The following ICAM5 variants were observed in gnomAD, a reference collection of about 807,000 sequenced individuals.
The protein encoded by ICAM5 is ICAM-5.
A neutral mutation model predicts 78.8 loss-of-function variants in ICAM5; 38 were observed. The observed-to-expected ratio is 0.48, with a 90% confidence interval of 0.37 to 0.63. The LOEUF (loss-of-function observed/expected upper bound fraction) is 0.63. Among genes scored for constraint, ICAM5 ranks in the 30% least tolerant of loss-of-function variants. The pLI is 0.00. For missense variants in ICAM5, 1,059 were observed against 1,303.0 expected (o/e 0.81, Z 2.88); for synonymous variants, 544 against 590.9 (o/e 0.92, Z 1.15).
At position 10,291,496 on chromosome 19, in the gene ICAM5, A is replaced by G. The variant is rs1211601364; in HGVS notation, c.360A>G (p.Pro120=). ...GACTCTTCCCCCTTGCAGAGCGACC[A>G]GATCGCGTAGAGCTGATGCCGCTGC... is the stretch of plus-strand genomic sequence containing the variant. ...ARGLIRTFQR[P]DRVELMPLPP... The change falls in exon 3 of 11, where the codon CCA becomes CCG. Residue 120 remains proline (P), a synonymous_variant. Transcript: ENST00000221980. The G allele has an allele frequency of 4.3e-6, 7 of 1,612,456 alleles. No individual in the cohort carries two copies. The East Asian group carries it at 1.3e-4, about 31-fold the overall frequency.
At position 10,292,736 on chromosome 19, in the gene ICAM5, G is replaced by T. The variant is rs560262128; in HGVS notation, c.1086G>T (p.Pro362=). 3 of 1,613,302 alleles carry T rather than the reference G, an allele frequency of 1.9e-6. No individual in the cohort carries two copies. Among genetic ancestry groups the T allele is most frequent in the African/African-American group, 1.3e-5 (1 of 74,982 alleles). ...TGGAGGGAGTTCCAGCCGCGGTCCC[G>T]GGGCAGCCCGCCCAGCTTCAGCTAA... ...VTLEGVPAAV[P]GQPAQLQLNA... The change falls in exon 5 of 11, where the codon CCG becomes CCT. Residue 362 remains proline (P), a synonymous_variant. Coordinates refer to ENST00000221980, the MANE Select transcript of ICAM5 (RefSeq NM_003259.4).
rs1279990973 is a variant in ICAM5, at chr19:10,294,560, G to T, written c.2150G>T (p.Arg717Leu). The stretch of plus-strand genomic sequence containing the variant: ...TGGCCTGAGCAGCAGCGCGTGTCCC[G>T]AGAGGACGCGGGCACTTACCACTGT... ...IPWPEQQRVS[R>L]EDAGTYHCVA... Residue 717 changes from arginine to leucine, a missense_variant, in exon 9 of 11, where the codon CGA (arginine) becomes CTA (leucine). Physicochemically the swap from Arg to Leu is moderately radical, Grantham distance 102. Coordinates refer to ENST00000221980, the MANE Select transcript of ICAM5 (RefSeq NM_003259.4). The surrounding 1 kb of genome is among the most constrained non-coding windows in gnomAD (Gnocchi z 7.7). 1.9e-6 allele frequency: 3 copies of T among 1,612,504 alleles called. No homozygotes were observed. Among genetic ancestry groups the T allele is most frequent in the Non-Finnish European group, 2.5e-6 (3 of 1,179,594 alleles).
intron 3 of ICAM5, 79 bp from the exon 4 acceptor site, chr19:10,291,956 C>T: frequency 6.6e-7 from 1 of 1,518,698 alleles, no homozygotes; most frequent in Non-Finnish European, 9.0e-7. Flanking sequence ...GATGATAATA[C>T]GATAAGATAG....
At position 10,292,819 on chromosome 19, in the gene ICAM5, A is replaced by G. The variant is rs765977465; in HGVS notation, c.1169A>G (p.Asp390Gly). The G allele has an allele frequency of 1.2e-6, 2 of 1,613,024 alleles. No individual in the cohort carries two copies. The highest frequency in any genetic ancestry group is 3.3e-5 in the Admixed American group (2 of 59,954). ...SFFCDATLDV[D>G]GETLIKNRSA... is the part of the protein sequence containing the mutation. ...TTCTGCGACGCCACCCTCGATGTGG[A>G]CGGGGAGACCCTGATCAAGAACAGG... The change falls in exon 5 of 11, where the codon GAC (aspartate) becomes GGC (glycine). Residue 390 changes from aspartate to glycine, a missense_variant. By Grantham distance (94) the Asp-to-Gly change is moderately conservative (BLOSUM62 -1). Around this residue, in one of 3 missense-constraint regions of ICAM5, gnomAD observed 815 missense variants for 952.8 expected, o/e 0.86. Coordinates refer to ENST00000221980, the MANE Select transcript of ICAM5 (RefSeq NM_003259.4).
At position 10,295,626 on chromosome 19, in the gene ICAM5, G is replaced by T; in HGVS notation, c.2497+14G>T. 1 of 1,534,066 alleles carries T rather than the reference G, an allele frequency of 6.5e-7. No homozygotes were observed. ...TGCGCGTGGCCGGTAAGTGGCAGCT[G>T]GGGAGAGGCGGGGCGAGGTATCTGA... On this transcript the variant is annotated intron_variant, in intron 10 of 10. Transcript: ENST00000221980.
In ICAM5 at chr19:10,290,322, C is replaced by T. The variant is rs529364836; in HGVS notation, c.82+197C>T. 3.5e-5 allele frequency: 18 copies of T among 513,978 alleles called. No individual in the cohort carries two copies. The highest frequency in any genetic ancestry group is 4.5e-5 in the Non-Finnish European group (13 of 291,556). The allele number at this position is 513,978 out of a possible 1,614,324, so 31.8% of individuals were successfully genotyped here. A position where few individuals can be genotyped will look rare whatever the true frequency, so the allele number is the denominator to read the frequency against. The stretch of plus-strand genomic sequence containing the variant: ...CCCAGCTTCCTGACTCCTCGATAGC[C>T]CCTACCCGCTTCGAGATCCTAGGTG... On this transcript the variant is annotated intron_variant, in intron 1 of 10. Coordinates refer to ENST00000221980, the MANE Select transcript of ICAM5 (RefSeq NM_003259.4). This position sits in a 1 kb window ranked among gnomAD's most constrained non-coding sequence, Gnocchi z 5.7.
rs1599277617 is a variant in ICAM5 at position 10,290,746 on chromosome 19, T to C, written c.83-326T>C. The C allele has an allele frequency of 9.5e-6, 4 of 420,080 alleles. No homozygotes were observed. In the East Asian group the frequency reaches 1.6e-4, roughly 16 times the overall value. The allele number at this position is 420,080 out of a possible 1,614,324, so 26.0% of individuals were successfully genotyped here. The stretch of plus-strand genomic sequence containing the variant: ...TTCATCCCCCATCCCCCATCCCGGG[T>C]CCCCTTCTCTCAGCCTTGCTGTGTT... On this transcript the variant is annotated intron_variant, in intron 1 of 10. Transcript: ENST00000221980. This position sits in a 1 kb window ranked among gnomAD's most constrained non-coding sequence, Gnocchi z 5.7.
Position 10,293,432 on chromosome 19 carries a change from CT to C in ICAM5, c.1465+187del, listed in dbSNP as rs1405570809. On this transcript the variant is annotated intron_variant, in intron 6 of 10. Coordinates refer to ENST00000221980, the MANE Select transcript of ICAM5 (RefSeq NM_003259.4). The surrounding 1 kb of genome is among the most constrained non-coding windows in gnomAD (Gnocchi z 5.0). ...TGGAAGGGACCGGGTGGGCGTGCCC[CT>C]AGCCTAGGGCGTGGTATTTGGGCGG... Among the ~76,000 whole-genome samples, 2 of 152,120 alleles carry C rather than the reference CT, an allele frequency of 1.3e-5. No homozygotes were observed. Among genetic ancestry groups the C allele is most frequent in the African/African-American group, 2.4e-5 (1 of 41,418 alleles).
chr19:10,291,602 A>T lies in ICAM5; in HGVS notation c.466A>T (p.Thr156Ser). 1.9e-6 allele frequency: 3 copies of T among 1,611,922 alleles called. No individual in the cohort carries two copies. Among genetic ancestry groups the T allele is most frequent in the Non-Finnish European group, 2.5e-6 (3 of 1,179,636 alleles). Residue 156 changes from threonine to serine, a missense_variant, in exon 3 of 11, where the codon ACC becomes TCC. Physicochemically the swap from Thr to Ser is moderately conservative, Grantham distance 58. Transcript: ENST00000221980. The stretch of plus-strand genomic sequence containing the variant: ...CGGGCCCCGTGCGAGCCTCACGCTG[A>T]CCCTGCTGCGGGGCGCCCAGGAGCT... ...GAGPRASLTL[T>S]LLRGAQELIR...
rs766664471 is a variant in ICAM5 at position 10,294,077 on chromosome 19, T to C, written c.1749T>C (p.Asn583=). The stretch of plus-strand genomic sequence containing the variant: ...TTGAGGAGCCGAGCTGCCCCAGCAA[T>C]TGGACATGGGTGGAAGGATCTGGGC... ...PRFEEPSCPS[N]WTWVEGSGRL... The change falls in exon 8 of 11, where the codon AAT becomes AAC. Residue 583 remains asparagine, a synonymous_variant. Coordinates refer to ENST00000221980, the MANE Select transcript of ICAM5 (RefSeq NM_003259.4). The surrounding 1 kb of genome is among the most constrained non-coding windows in gnomAD (Gnocchi z 7.7). The C allele has an allele frequency of 4.4e-6, 7 of 1,585,660 alleles. No individual in the cohort carries two copies. The highest frequency in any genetic ancestry group is 1.1e-5 in the South Asian group (1 of 88,510).
Position 10,296,649 on chromosome 19 carries a change from G to GC in ICAM5, c.*39dup. The GC allele has an allele frequency of 4.1e-6, 5 of 1,206,394 alleles. No individual in the cohort carries two copies. The highest frequency in any genetic ancestry group is 1.6e-5 in the African/African-American group (1 of 63,352). 74.7% of individuals were successfully genotyped at this position (1,206,394 alleles called of 1,614,324 possible). ...CCCCTCTCCCCGCGGGCCGGGGGACGCCCCCCAGACTCACACGGGGGCTTA... is the reference window on the plus strand; with the variant it reads ...CCCCTCTCCCCGCGGGCCGGGGGACGCCCCCCCAGACTCACACGGGGGCTTA... On this transcript the variant is annotated 3_prime_UTR_variant, in exon 11 of 11. Transcript: ENST00000221980.
rs1599279050 is a variant in ICAM5 at position 10,292,249 on chromosome 19, T to A, written c.888T>A (p.Gly296=). The change falls in exon 4 of 11, where the codon GGT becomes GGA. Residue 296 remains glycine, a synonymous_variant. Transcript: ENST00000221980. The stretch of plus-strand genomic sequence containing the variant: ...CCACAGCTAGCGCAGAGCAGGAGGG[T>A]GCCAGGCAGCTGGTCTGCAACGTCA... ...ATATASAEQE[G]ARQLVCNVTL... 1.2e-6 allele frequency: 2 copies of A among 1,612,776 alleles called. No homozygotes were observed. Among genetic ancestry groups the A allele is most frequent in the East Asian group, 4.5e-5 (2 of 44,862 alleles).
chr19:10,295,253 G>A, intron 9 of ICAM5, 93 bp from the exon 10 acceptor site: 1 of 1,357,274 alleles, frequency 7.4e-7, no homozygotes, highest in Admixed American at 3.0e-5. Flanking sequence ...CAGAGGCGCG[G>A]TGGTCTCCCA....
In ICAM5 at chr19:10,292,283, G is replaced by T; in HGVS notation, c.922G>T (p.Gly308Cys). The change falls in exon 4 of 11, where the codon GGC becomes TGC. Residue 308 changes from glycine (G) to cysteine (C), a missense_variant. Physicochemically the swap from Gly to Cys is radical, Grantham distance 159 (BLOSUM62 -3). Coordinates refer to ENST00000221980, the MANE Select transcript of ICAM5 (RefSeq NM_003259.4). ...GCTGGTCTGCAACGTCACCCTGGGG[G>T]GCGAAAACCGGGAGACCCGGGAGAA... ...RQLVCNVTLG[G>C]ENRETRENVT... is the part of the protein sequence containing the mutation. 1 of 1,611,452 alleles carries T rather than the reference G, an allele frequency of 6.2e-7. No individual in the cohort carries two copies. Among genetic ancestry groups the T allele is most frequent in the Non-Finnish European group, 8.5e-7 (1 of 1,179,398 alleles).
rs779466051 is a variant in ICAM5 at position 10,293,662 on chromosome 19, C to CA, written c.1466-33dup. ...GGTCTAGGGACGTCAGATTTGCCCC[C>CA]AAACCCCAAAGCCAACAATACACTC... On this transcript the variant is annotated intron_variant, in intron 6 of 10. Transcript: ENST00000221980. The surrounding 1 kb of genome is among the most constrained non-coding windows in gnomAD (Gnocchi z 5.0). The CA allele has an allele frequency of 1.2e-6, 2 of 1,600,792 alleles. No homozygotes were observed. The highest frequency in any genetic ancestry group is 1.7e-6 in the Non-Finnish European group (2 of 1,171,278).
chr19:10,291,469 C>T lies in ICAM5; in HGVS notation c.353-20C>T, dbSNP rs545041374. 5 of 1,611,454 alleles carry T rather than the reference C, an allele frequency of 3.1e-6. No homozygotes were observed. Among genetic ancestry groups the T allele is most frequent in the African/African-American group, 2.7e-5 (2 of 75,018 alleles). ...CCAAGTCCCGGTGTTCAAAGAGCTG[C>T]GGACTCTTCCCCCTTGCAGAGCGAC... On this transcript the variant is annotated intron_variant, in intron 2 of 10. Transcript: ENST00000221980.
In ICAM5 at chr19:10,291,063, C is replaced by T. The variant is rs371662961; in HGVS notation, c.83-9C>T. On this transcript the variant is annotated splice_polypyrimidine_tract_variant and intron_variant, in intron 1 of 10. Coordinates refer to ENST00000221980, the MANE Select transcript of ICAM5 (RefSeq NM_003259.4). ...GCTCCCCAGGCTCAGCCCGCGTTTC[C>T]CTGGGCAGCGGTCTCGCAGGAGCCC... 39 of 1,601,626 alleles carry T rather than the reference C, an allele frequency of 2.4e-5. No individual in the cohort carries two copies. Among genetic ancestry groups the T allele is most frequent in the Non-Finnish European group, 3.2e-5 (38 of 1,173,506 alleles).
chr19:10,295,655 G>C lies in ICAM5; in HGVS notation c.2497+43G>C, dbSNP rs964004620. On this transcript the variant is annotated intron_variant, in intron 10 of 10. Coordinates refer to ENST00000221980, the MANE Select transcript of ICAM5 (RefSeq NM_003259.4). ...AGAGGCGGGGCGAGGTATCTGAGAGGGGGCGTGACCTGGGTCTTGGGGCGG... is the reference window on the plus strand; with the variant it reads ...AGAGGCGGGGCGAGGTATCTGAGAGCGGGCGTGACCTGGGTCTTGGGGCGG... 9.2e-6 allele frequency: 14 copies of C among 1,515,446 alleles called. No homozygotes were observed. The African/African-American group carries it at 1.8e-4, about 19-fold the overall frequency. 93.9% of individuals were successfully genotyped at this position (1,515,446 alleles called of 1,614,324 possible).
At chr19:10,291,906 A>G in intron 3 of ICAM5, 97 bp downstream of exon 3, 3 of 1,493,024 alleles carry the variant, frequency 2.0e-6, no homozygotes, top group South Asian at 2.4e-5. Flanking sequence ...CCCGACTTCA[A>G]CCCTCGCCGG....
Sources: allele counts gnomAD v4.1 joint callset (sites outside exome capture counted in the v4.1 genomes callset), GRCh38; gene constraint gnomAD v4.1.1; regional missense constraint gnomAD v4.1.1; non-coding constraint Gnocchi (gnomAD v3.1); transcripts MANE v1.5; gene names NCBI Gene and HGNC (gene_info 2026-07-23, HGNC 2026-07-21).